PTPRM: variants seen among roughly 807,000 people sequenced by gnomAD.
PTPRM encodes receptor-type tyrosine-protein phosphatase mu.
Under a neutral mutation model 186.7 loss-of-function variants are expected in PTPRM, and 47 were observed. That is an observed-to-expected ratio of 0.25 (90% confidence interval 0.20 to 0.32). The LOEUF (loss-of-function observed/expected upper bound fraction) is 0.32. PTPRM is among the 10% of genes least tolerant of loss of function. The pLI, the probability that PTPRM is intolerant of heterozygous loss-of-function variation, is 1.00. For missense variants in PTPRM, 1,494 were observed against 1,865.0 expected (o/e 0.80, Z 3.66); for synonymous variants, 668 against 674.9 (o/e 0.99, Z 0.16).
chr18:7,883,396 A>G (rs2048604737), intron 2 of PTPRM, among the ~76,000 whole-genome samples: 1 of 152,228 alleles, frequency 6.6e-6, no homozygotes, highest in Non-Finnish European at 1.5e-5. Context: ...AATTGAATAT[A>G]AATGCTTTGA....
intron 2 of PTPRM, among the ~76,000 whole-genome samples, chr18:7,808,889 A>T (rs1362727265): frequency 1.3e-5 from 2 of 152,226 alleles, no homozygotes; most frequent in African/African-American, 4.8e-5. Flanking sequence ...TGAGTATAAG[A>T]TGTTCACATC....
chr18:7,910,352 G>A (rs1160771398), intron 4 of PTPRM, among the ~76,000 whole-genome samples: 2 of 152,122 alleles, frequency 1.3e-5, no homozygotes, highest in African/African-American at 2.4e-5. Flanking sequence ...TGGACAAAAC[G>A]CACAAACAAA....
At chr18:8,306,729 C>T (rs2095226242) in intron 20 of PTPRM, among the ~76,000 whole-genome samples, 1 of 152,200 alleles carries the variant, frequency 6.6e-6, no homozygotes, top group Admixed American at 6.5e-5. Flanking sequence ...GGGCCCCTCC[C>T]AGCTGGTAAG....
At chr18:8,152,028 G>T (rs769892013) in intron 14 of PTPRM, among the ~76,000 whole-genome samples, 34 of 152,202 alleles carry the variant, frequency 2.2e-4, no homozygotes, top group African/African-American at 7.9e-4. Context: ...ATATACCTCA[G>T]TTGGAAATGC....
chr18:8,155,115 CA>C lies in PTPRM; in HGVS notation c.2300+11337del, dbSNP rs572761767. The C allele has an allele frequency of 3.6e-4, 52 of 144,492 alleles. 1 individual carries two copies. The East Asian group carries it at 9.3e-3, about 26-fold the overall frequency. 9.0% of individuals were successfully genotyped at this position (144,492 alleles called of 1,614,324 possible). The stretch of plus-strand genomic sequence containing the variant: ...TTAATATAAAATAACTTGAATAGGA[CA>C]TATTTTTTTTACCAGGTTTCATCCA... On this transcript the variant is annotated intron_variant, in intron 14 of 32. Coordinates refer to ENST00000580170, the MANE Select transcript of PTPRM (RefSeq NM_001105244.2).
intron 14 of PTPRM, among the ~76,000 whole-genome samples, chr18:8,210,110 A>G (rs2093983544): frequency 6.6e-6 from 1 of 151,962 alleles, no homozygotes; most frequent in South Asian, 2.1e-4. Flanking sequence ...CAGGAGTTCA[A>G]GACCAGCCTG....
chr18:7,917,090 C>T (rs1159857646), intron 4 of PTPRM, among the ~76,000 whole-genome samples: 1 of 152,160 alleles, frequency 6.6e-6, no homozygotes, highest in Non-Finnish European at 1.5e-5. Context: ...ACTCTAGGCA[C>T]ATCCATGCTG....
intron 14 of PTPRM, among the ~76,000 whole-genome samples, chr18:8,189,685 C>A (rs1460008243): frequency 2.0e-5 from 3 of 152,182 alleles, no homozygotes; most frequent in African/African-American, 4.8e-5. Context: ...GGGGTTGGCA[C>A]TGCCCACAGG....
chr18:7,954,414 T>C (rs954412970), intron 6 of PTPRM, among the ~76,000 whole-genome samples: 2 of 152,176 alleles, frequency 1.3e-5, no homozygotes, highest in South Asian at 4.1e-4. Flanking sequence ...GATTCTCCTG[T>C]AGCAAAATGA....
At chr18:7,999,280 C>G (rs749000132) in intron 7 of PTPRM, among the ~76,000 whole-genome samples, 2 of 152,130 alleles carry the variant, frequency 1.3e-5, no homozygotes, top group African/African-American at 4.8e-5. Flanking sequence ...TGTACAAACT[C>G]CACACAGACA....
At chr18:8,057,093 T>C (rs1045670135) in intron 7 of PTPRM, among the ~76,000 whole-genome samples, 4 of 150,960 alleles carry the variant, frequency 2.6e-5, no homozygotes, top group South Asian at 2.1e-4. Flanking sequence ...AGTAGCATTT[T>C]TGAAAATTTT....
At chr18:8,282,999 T>C (rs2094920082) in intron 19 of PTPRM, among the ~76,000 whole-genome samples, 1 of 152,234 alleles carries the variant, frequency 6.6e-6, no homozygotes. Flanking sequence ...ATTCCATTTG[T>C]AGAATCTTCT....
chr18:8,318,115 A>G (rs1490759636), intron 21 of PTPRM, among the ~76,000 whole-genome samples: 1 of 151,890 alleles, frequency 6.6e-6, no homozygotes, highest in Non-Finnish European at 1.5e-5. Flanking sequence ...TTTCTCTTCA[A>G]GTTTCTTTTT....
chr18:8,055,370 C>G (rs2087848366), intron 7 of PTPRM, among the ~76,000 whole-genome samples: 1 of 152,096 alleles, frequency 6.6e-6, no homozygotes, highest in Admixed American at 6.6e-5. Flanking sequence ...GATCCATGCA[C>G]TACTTCACTA....
Position 7,656,322 on chromosome 18 carries a change from A to G in PTPRM, c.73+88431A>G, listed in dbSNP as rs74938831. Among the ~76,000 whole-genome samples the G allele has an allele frequency of 7.7e-4, 118 of 152,344 alleles. No homozygotes were observed. The East Asian group carries it at 0.021, about 27-fold the overall frequency. On this transcript the variant is annotated intron_variant, in intron 1 of 32. Coordinates refer to ENST00000580170, the MANE Select transcript of PTPRM (RefSeq NM_001105244.2). ...TGAGTGAAATAAGCTGATCACAGAA[A>G]GACAAATTCCAAATAATTTCACTTT... is the stretch of plus-strand genomic sequence containing the variant.
chr18:7,809,739 C>T (rs1002952554), intron 2 of PTPRM, among the ~76,000 whole-genome samples: 4 of 152,194 alleles, frequency 2.6e-5, no homozygotes, highest in South Asian at 2.1e-4. Context: ...GAGCCCCTTT[C>T]GGTGTTACAG....
In PTPRM at chr18:7,567,852, G is replaced by T; in HGVS notation, c.34G>T (p.Ala12Ser). The T allele has an allele frequency of 6.4e-7, 1 of 1,564,190 alleles. No homozygotes were observed. The highest frequency in any genetic ancestry group is 1.2e-5 in the South Asian group (1 of 86,442). Residue 12 changes from alanine to serine, a missense_variant, in exon 1 of 33, where the codon GCC becomes TCC. This residue lies in a region of PTPRM where 296 missense variants were observed against 345.5 expected (regional missense o/e 0.86). Transcript: ENST00000580170. This position sits in a 1 kb window ranked among gnomAD's most constrained non-coding sequence, Gnocchi z 4.3. ...ACTTGGGACTTGCCTGGCGACTTTG[G>T]CCGGACTTTTGCTAACTGCGGCGGG... is the stretch of plus-strand genomic sequence containing the variant. ...RGLGTCLATL[A>S]GLLLTAAGET...
chr18:8,119,841 T>C (rs901745050), intron 13 of PTPRM, among the ~76,000 whole-genome samples: 6 of 152,162 alleles, frequency 3.9e-5, no homozygotes, highest in Admixed American at 1.3e-4. Context: ...GCACCAGATA[T>C]TGTCTTCAAA....
intron 5 of PTPRM, among the ~76,000 whole-genome samples, chr18:7,939,631 T>C (rs568247162): frequency 6.6e-6 from 1 of 152,210 alleles, no homozygotes; most frequent in Non-Finnish European, 1.5e-5. Context: ...ATCATCATTA[T>C]GGTTATTTCA....
Sources: gnomAD v4.1 joint callset for allele counts (sites outside exome capture counted in the v4.1 genomes callset) on GRCh38, gnomAD v4.1.1 for gene constraint, gnomAD v4.1.1 regional missense constraint, Gnocchi (gnomAD v3.1) non-coding constraint, MANE v1.5 for transcripts, NCBI Gene and HGNC (gene_info 2026-07-23, HGNC 2026-07-21) for gene names.